The following SLC39A9 variants were observed in gnomAD, a reference collection of about 807,000 sequenced individuals.
SLC39A9 encodes zinc transporter ZIP9.
A neutral mutation model predicts 28.4 loss-of-function variants in SLC39A9; 14 were observed. The ratio of observed to expected loss-of-function variants is 0.49; its 90% CI spans 0.33 to 0.77. SLC39A9 has a LOEUF of 0.77. SLC39A9 is among the 30% of genes least tolerant of loss of function. The pLI is 0.02. For missense variants in SLC39A9, 283 were observed against 381.1 expected, an observed-to-expected ratio of 0.74 and a Z score of 2.14; for synonymous variants, 119 against 149.6, an observed-to-expected ratio of 0.80 and a Z score of 1.49.
chr14:69,442,352 G>GTGGCCATATT, intron 3 of SLC39A9, 86 bp downstream of exon 3: 3 of 1,313,688 alleles, frequency 2.3e-6, no homozygotes, highest in Non-Finnish European at 3.2e-6. Context: ...GTCTGTATCA[G>GTGGCCATATT]TGGCCATATT....
rs1295981499 is a variant in SLC39A9 at position 69,423,473 on chromosome 14, A to C, written c.97-621A>C. The stretch of plus-strand genomic sequence containing the variant: ...AAGAGTTCACATTTTTGAGGCTTTA[A>C]ATCTAAATGCCAAACTGTAGTCTCC... On this transcript the variant is annotated intron_variant, in intron 1 of 6. Transcript: ENST00000336643. Among the ~76,000 whole-genome samples, 3 of 151,524 alleles carry C rather than the reference A, an allele frequency of 2.0e-5. No individual in the cohort carries two copies. The East Asian group carries it at 5.8e-4, about 29-fold the overall frequency.
rs372614059 is a variant in SLC39A9, at chr14:69,420,101, T to C, written c.97-3993T>C. 3.7e-4 allele frequency among the ~76,000 whole-genome samples: 56 copies of C among 152,346 alleles called. 3 individuals are homozygous for C. Among genetic ancestry groups the C allele is most frequent in the East Asian group, 2.5e-3 (13 of 5,186 alleles). ...CAGTTTCTTCCTAGCATTGATGGTC[T>C]TTGCAATTTGTTATGTTTTTGCAGT... On this transcript the variant is annotated intron_variant, in intron 1 of 6. Coordinates refer to ENST00000336643, the MANE Select transcript of SLC39A9 (RefSeq NM_018375.5).
chr14:69,430,980 A>G (rs1326099804), intron 2 of SLC39A9, among the ~76,000 whole-genome samples: 1 of 152,172 alleles, frequency 6.6e-6, no homozygotes, highest in Non-Finnish European at 1.5e-5. Context: ...GCCTTTCCAT[A>G]AACATTTTAA....
chr14:69,402,259 T>G (rs561137165), intron 1 of SLC39A9, among the ~76,000 whole-genome samples: 3 of 152,216 alleles, frequency 2.0e-5, no homozygotes, highest in Non-Finnish European at 4.4e-5. Flanking sequence ...ACTCATAATG[T>G]TTTAAGAAAG....
chr14:69,406,630 G>A (rs956413194), intron 1 of SLC39A9, among the ~76,000 whole-genome samples: 1 of 150,390 alleles, frequency 6.6e-6, no homozygotes, highest in Admixed American at 6.6e-5. Flanking sequence ...GGAGATTGCA[G>A]TGAGCTGAGA....
chr14:69,434,083 C>CT (rs570635766), intron 2 of SLC39A9, among the ~76,000 whole-genome samples: 6,174 of 128,266 alleles, frequency 0.048, 193 homozygotes, highest in South Asian at 0.11. Context: ...CTTTTCTTTT[C>CT]TTTTTTTTTT....
chr14:69,420,133 T>TG (rs1883801831), intron 1 of SLC39A9, among the ~76,000 whole-genome samples: 1 of 152,234 alleles, frequency 6.6e-6, no homozygotes, highest in South Asian at 2.1e-4. Flanking sequence ...CAGTGGCTGG[T>TG]ACTGGTTGTT....
chr14:69,443,679 G>A (rs1175803919), intron 3 of SLC39A9, among the ~76,000 whole-genome samples: 2 of 152,068 alleles, frequency 1.3e-5, no homozygotes, highest in African/African-American at 4.8e-5. Flanking sequence ...AGACCAGCCT[G>A]GGCAACATGG....
chr14:69,450,302 G>A (rs1885544945), intron 3 of SLC39A9, among the ~76,000 whole-genome samples: 1 of 152,108 alleles, frequency 6.6e-6, no homozygotes, highest in African/African-American at 2.4e-5. Flanking sequence ...TCCTTGATCT[G>A]CCAAAGAGAA....
At position 69,460,935 on chromosome 14, in the gene SLC39A9, C is replaced by T; in HGVS notation, c.*2342C>T. ...GGCAGCAGGGAACCAAGCAGCGTGG[C>T]ACAGGCCTTCTTGACTGGAGGAAGA... On this transcript the variant is annotated 3_prime_UTR_variant, in exon 7 of 7. Transcript: ENST00000336643. 1 of 985,630 alleles carries T rather than the reference C, an allele frequency of 1.0e-6. No individual in the cohort carries two copies. 61.1% of individuals were successfully genotyped at this position (985,630 alleles called of 1,614,324 possible).
chr14:69,429,784 C>G (rs998514961), intron 2 of SLC39A9, among the ~76,000 whole-genome samples: 1 of 152,182 alleles, frequency 6.6e-6, no homozygotes, highest in Non-Finnish European at 1.5e-5. Flanking sequence ...AACTGACAAA[C>G]TCTTCCTAAA....
At chr14:69,441,075 C>G (rs980187763) in intron 2 of SLC39A9, among the ~76,000 whole-genome samples, 1 of 152,150 alleles carries the variant, frequency 6.6e-6, no homozygotes, top group African/African-American at 2.4e-5. Context: ...CCCCAGATTT[C>G]AAGACCAGCC....
intron 1 of SLC39A9, among the ~76,000 whole-genome samples, chr14:69,421,809 C>G (rs1303321912): frequency 6.6e-6 from 1 of 152,206 alleles, no homozygotes; most frequent in Non-Finnish European, 1.5e-5. Context: ...ACTCGCTAAG[C>G]AAGGAGCGGG....
chr14:69,420,428 A>G (rs967655771), intron 1 of SLC39A9, among the ~76,000 whole-genome samples: 4 of 152,136 alleles, frequency 2.6e-5, no homozygotes, highest in Non-Finnish European at 4.4e-5. Flanking sequence ...GCTGCCCTTA[A>G]CATTTTTTCT....
chr14:69,423,426 T>C (rs2140273956), intron 1 of SLC39A9, among the ~76,000 whole-genome samples: 1 of 152,352 alleles, frequency 6.6e-6, no homozygotes, highest in South Asian at 2.1e-4. Context: ...GATGAATTTC[T>C]AGAAGTAAAA....
At chr14:69,447,995 A>T (rs1885418490) in intron 3 of SLC39A9, among the ~76,000 whole-genome samples, 1 of 151,656 alleles carries the variant, frequency 6.6e-6, no homozygotes, top group African/African-American at 2.4e-5. Context: ...CAGGTGGATC[A>T]CAAGGCCAGG....
chr14:69,433,974 G>A (rs980656080), intron 2 of SLC39A9, among the ~76,000 whole-genome samples: 5 of 152,008 alleles, frequency 3.3e-5, no homozygotes, highest in South Asian at 2.1e-4. Flanking sequence ...TAGTAGAGAC[G>A]GGGTTTCACC....
chr14:69,421,827 C>CT (rs1214297293), intron 1 of SLC39A9, among the ~76,000 whole-genome samples: 5 of 152,212 alleles, frequency 3.3e-5, no homozygotes, highest in Admixed American at 3.3e-4. Flanking sequence ...GGGATATAAT[C>CT]TCCTGGTGTG....
intron 1 of SLC39A9, among the ~76,000 whole-genome samples, chr14:69,409,185 CA>C (rs1458371989): frequency 2.0e-5 from 3 of 152,168 alleles, no homozygotes; most frequent in Non-Finnish European, 2.9e-5. Context: ...CAATTAGAAT[CA>C]CTAATAACAT....
Sources: allele counts gnomAD v4.1 joint callset (sites outside exome capture counted in the v4.1 genomes callset), GRCh38; gene constraint gnomAD v4.1.1; transcripts MANE v1.5; gene names NCBI Gene and HGNC (gene_info 2026-07-23, HGNC 2026-07-21).